NCAM2: variants seen among roughly 807,000 people sequenced by gnomAD.
NCAM2 encodes N-CAM-2.
Under a neutral mutation model 98.1 loss-of-function variants are expected in NCAM2, and 30 were observed. The observed-to-expected ratio is 0.31, with a 90% CI of 0.23 to 0.41. NCAM2 has a LOEUF of 0.41. Among genes scored for constraint, NCAM2 ranks in the 10% least tolerant of loss-of-function variants. The probability of loss-of-function intolerance (pLI) is 1.00; values close to 1 mark genes in which losing one functional copy is unlikely to be tolerated. For missense variants in NCAM2, 867 were observed against 1,005.8 expected, an observed-to-expected ratio of 0.86 and a Z score of 1.87; for synonymous variants, 368 against 342.4, an observed-to-expected ratio of 1.07 and a Z score of -0.83.
chr21:21,493,980 T>C (rs1602495492), intron 15 of NCAM2, among the ~76,000 whole-genome samples: 2 of 151,954 alleles, frequency 1.3e-5, no homozygotes, highest in East Asian at 3.9e-4. Flanking sequence ...TTTAATAATG[T>C]AGAATTGATG....
intron 1 of NCAM2, among the ~76,000 whole-genome samples, chr21:21,023,252 G>A (rs566749745): frequency 6.6e-6 from 1 of 152,158 alleles, no homozygotes; most frequent in African/African-American, 2.4e-5. Context: ...GGCTGGGTGC[G>A]GTGGCTCACG....
intron 14 of NCAM2, among the ~76,000 whole-genome samples, chr21:21,472,667 A>G (rs1343115755): frequency 1.3e-5 from 2 of 150,868 alleles, no homozygotes; most frequent in African/African-American, 4.9e-5. Flanking sequence ...TATAAATAGA[A>G]TAATTAATAT....
chr21:21,374,226 T>A (rs1457278167), intron 9 of NCAM2, among the ~76,000 whole-genome samples: 1 of 151,898 alleles, frequency 6.6e-6, no homozygotes, highest in Admixed American at 6.6e-5. Context: ...ATCATTTTGA[T>A]ATTGCTTTTC....
chr21:21,045,791 G>T (rs186815661), intron 1 of NCAM2, among the ~76,000 whole-genome samples: 1 of 152,278 alleles, frequency 6.6e-6, no homozygotes, highest in African/African-American at 2.4e-5. Context: ...TAAATTCAAC[G>T]TCATAAAATA....
At chr21:21,431,784 TAAAC>T (rs2077350991) in intron 11 of NCAM2, among the ~76,000 whole-genome samples, 1 of 152,134 alleles carries the variant, frequency 6.6e-6, no homozygotes, top group Admixed American at 6.6e-5. Flanking sequence ...TTTTTTTTCT[TAAAC>T]ACACACGAGA....
chr21:21,524,821 T>A (rs1989237348), intron 16 of NCAM2, among the ~76,000 whole-genome samples: 1 of 152,088 alleles, frequency 6.6e-6, no homozygotes, highest in Non-Finnish European at 1.5e-5. Context: ...TCTGCTCTCA[T>A]ACCACAATGG....
intron 1 of NCAM2, among the ~76,000 whole-genome samples, chr21:21,141,970 T>C (rs2067176361): frequency 6.6e-6 from 1 of 152,144 alleles, no homozygotes; most frequent in Admixed American, 6.5e-5. Context: ...TGAAAGATGA[T>C]AGATAGAGAT....
At chr21:21,413,971 G>A (rs1296090276) in intron 10 of NCAM2, among the ~76,000 whole-genome samples, 1 of 152,176 alleles carries the variant, frequency 6.6e-6, no homozygotes, top group Non-Finnish European at 1.5e-5. Flanking sequence ...TTTCAAAAAT[G>A]AAGTAAATCC....
intron 1 of NCAM2, among the ~76,000 whole-genome samples, chr21:21,208,027 G>A (rs1323333295): frequency 1.3e-5 from 2 of 152,060 alleles, no homozygotes; most frequent in African/African-American, 2.4e-5. Flanking sequence ...CTATGCCTAT[G>A]AATTATTAAA....
intron 1 of NCAM2, among the ~76,000 whole-genome samples, chr21:21,213,042 TC>T (rs2069725221): frequency 6.6e-6 from 1 of 152,118 alleles, no homozygotes; most frequent in Admixed American, 6.6e-5. Flanking sequence ...GCCTGACCTA[TC>T]TGTGCTTTTA....
chr21:21,337,852 G>A (rs1340537787), intron 7 of NCAM2, among the ~76,000 whole-genome samples: 5 of 151,786 alleles, frequency 3.3e-5, no homozygotes, highest in Non-Finnish European at 5.9e-5. Context: ...CTTAGTAAAT[G>A]TTTCAAAATT....
intron 1 of NCAM2, among the ~76,000 whole-genome samples, chr21:21,247,583 A>G (rs1346090324): frequency 6.6e-6 from 1 of 152,118 alleles, no homozygotes; most frequent in Non-Finnish European, 1.5e-5. Context: ...TTATCTCATC[A>G]GGAATTTTGT....
chr21:21,160,593 T>C (rs1367100548), intron 1 of NCAM2, among the ~76,000 whole-genome samples: 1 of 152,018 alleles, frequency 6.6e-6, no homozygotes, highest in African/African-American at 2.4e-5. Flanking sequence ...TGCAGTCTCA[T>C]ATCAGTAAAA....
At chr21:21,164,080 A>G (rs570323761) in intron 1 of NCAM2, among the ~76,000 whole-genome samples, 2 of 152,328 alleles carry the variant, frequency 1.3e-5, no homozygotes, top group Admixed American at 1.3e-4. Context: ...ATATTTAGCA[A>G]GACTGGACAG....
At chr21:21,501,467 A>T (rs1308216720) in intron 15 of NCAM2, among the ~76,000 whole-genome samples, 1 of 152,032 alleles carries the variant, frequency 6.6e-6, no homozygotes, top group Non-Finnish European at 1.5e-5. Flanking sequence ...ATGCTCCCTA[A>T]GTAAATATGG....
intron 1 of NCAM2, among the ~76,000 whole-genome samples, chr21:21,152,221 A>G (rs2067469269): frequency 6.6e-6 from 1 of 152,028 alleles, no homozygotes; most frequent in Admixed American, 6.6e-5. Context: ...AAGCACAGCC[A>G]GTGAGCATTT....
At chr21:21,253,529 G>GCTCCAT (rs1326287495) in intron 1 of NCAM2, among the ~76,000 whole-genome samples, 1 of 152,048 alleles carries the variant, frequency 6.6e-6, no homozygotes, top group African/African-American at 2.4e-5. Context: ...CAGCTAGAAG[G>GCTCCAT]CTCCATCAAT....
intron 16 of NCAM2, among the ~76,000 whole-genome samples, chr21:21,532,277 T>C (rs1989748048): frequency 6.6e-6 from 1 of 151,994 alleles, no homozygotes; most frequent in African/African-American, 2.4e-5. Context: ...AAACTCAGTG[T>C]TAGTTCAAAA....
rs186971820 is a variant in NCAM2 at position 21,502,834 on chromosome 21, C to T, written c.2078-6017C>T. On this transcript the variant is annotated intron_variant, in intron 15 of 17. Transcript: ENST00000400546. ...ACAGCAACCAATCACCATCTTAGGA[C>T]TCTGACTTTTTTCTCCATGTCTTTA... Among the ~76,000 whole-genome samples the T allele has an allele frequency of 7.4e-4, 113 of 152,020 alleles. 1 individual carries two copies. Among genetic ancestry groups the T allele is most frequent in the Admixed American group, 3.4e-3 (52 of 15,234 alleles).
Sources: allele counts gnomAD v4.1 joint callset (sites outside exome capture counted in the v4.1 genomes callset), GRCh38; gene constraint gnomAD v4.1.1; transcripts MANE v1.5; gene names NCBI Gene and HGNC (gene_info 2026-07-23, HGNC 2026-07-21).